DNM1: variants seen among roughly 807,000 people sequenced by gnomAD.
DNM1 encodes dynamin 1, also known as dynamin-1.
In DNM1, 29 loss-of-function variants were observed where a neutral mutation model predicts 104.6. The observed-to-expected ratio is 0.28, with a 90% CI of 0.21 to 0.38. The LOEUF is 0.38. Ranked by LOEUF, DNM1 falls within the 10% of genes least tolerant of loss-of-function variation. The pLI, the probability that DNM1 is intolerant of heterozygous loss-of-function variation, is 1.00. For synonymous variants in DNM1, 445 were observed against 475.8 expected, an observed-to-expected ratio of 0.94 and a Z score of 0.84; for missense variants, 640 against 1,189.4, an observed-to-expected ratio of 0.54 and a Z score of 6.79.
At position 128,218,504 on chromosome 9, in the gene DNM1, C is replaced by T. The variant is rs1834748021; in HGVS notation, c.236-78C>T. 4 of 1,526,060 alleles carry T rather than the reference C, an allele frequency of 2.6e-6. No homozygotes were observed. The highest frequency in any genetic ancestry group is 3.6e-6 in the Non-Finnish European group (4 of 1,116,484). 94.5% of individuals were successfully genotyped at this position (1,526,060 alleles called of 1,614,324 possible). On this transcript the variant is annotated intron_variant, in intron 2 of 21. Coordinates refer to ENST00000372923, the MANE Select transcript of DNM1 (RefSeq NM_004408.4). The surrounding 1 kb of genome is among the most constrained non-coding windows in gnomAD (Gnocchi z 4.8). ...GGGTGTGTCTAGGGGGTTCTATTAC[C>T]GGTGGGAGATGAAAACCCCCAGGTG...
intron 10 of DNM1, chr9:128,233,790 G>C (rs28514594): frequency 1.8e-6 from 1 of 565,574 alleles, no homozygotes; most frequent in Non-Finnish European, 3.1e-6. Context: ...AAGAGGGCCC[G>C]GAACCAGGAA....
At chr9:128,216,988 G>A (rs145820233) in intron 1 of DNM1, among the ~76,000 whole-genome samples, 93 of 152,332 alleles carry the variant, frequency 6.1e-4, no homozygotes, top group Admixed American at 2.9e-3. Flanking sequence ...TCACCCTTGT[G>A]CTTGCGCCAG....
At chr9:128,231,869 C>T (rs2131217214) in intron 10 of DNM1, 1 of 360,090 alleles carries the variant, frequency 2.8e-6, no homozygotes, top group East Asian at 8.2e-5. Context: ...CAGCGGCTGG[C>T]TTTGAACCCA....
At position 128,245,702 on chromosome 9, in the gene DNM1, G is replaced by A. The variant is rs528035853; in HGVS notation, c.1672-692G>A. Among the ~76,000 whole-genome samples the A allele has an allele frequency of 8.5e-5, 13 of 152,130 alleles. No individual in the cohort carries two copies. Among genetic ancestry groups the A allele is most frequent in the East Asian group, 1.9e-4 (1 of 5,206 alleles). Reference sequence around the variant, plus strand: ...CATGGCTCTGCAAACATGTAGGCTCGCACAATTGCCACACACATCCACAAA... The same window carrying A: ...CATGGCTCTGCAAACATGTAGGCTCACACAATTGCCACACACATCCACAAA... On this transcript the variant is annotated intron_variant, in intron 15 of 21. Coordinates refer to ENST00000372923, the MANE Select transcript of DNM1 (RefSeq NM_004408.4). This position sits in a 1 kb window ranked among gnomAD's most constrained non-coding sequence, Gnocchi z 5.2.
intron 6 of DNM1, among the ~76,000 whole-genome samples, chr9:128,221,759 G>T (rs971022779): frequency 2.0e-5 from 3 of 152,120 alleles, no homozygotes; most frequent in Admixed American, 6.5e-5. Context: ...TGGGCATGGT[G>T]GTGCACGCCT....
At chr9:128,234,243 T>C in intron 11 of DNM1, 136 bp downstream of exon 11, 1 of 681,184 alleles carries the variant, frequency 1.5e-6, no homozygotes, top group Non-Finnish European at 2.4e-6. Context: ...TCATACTGAC[T>C]CTCTGCTTCT....
chr9:128,226,071 C>G (rs1242566723), intron 10 of DNM1: 1 of 1,612,732 alleles, frequency 6.2e-7, no homozygotes, highest in Non-Finnish European at 8.5e-7. Context: ...CTTTTGAAGC[C>G]ACAGTGAAAA....
chr9:128,239,605 TG>T, intron 12 of DNM1, 90 bp downstream of exon 12: 1 of 1,293,062 alleles, frequency 7.7e-7, no homozygotes, highest in African/African-American at 1.6e-5. Flanking sequence ...TGTGTGTGTG[TG>T]TGTGTGTGTG....
intron 11 of DNM1, 25 bp from the exon 12 acceptor site, chr9:128,239,420 C>T (rs753657866): frequency 1.2e-6 from 2 of 1,605,600 alleles, no homozygotes; most frequent in African/African-American, 2.7e-5. Flanking sequence ...TTTGCGCTTG[C>T]CCACCAACCT....
At position 128,229,041 on chromosome 9, in the gene DNM1, C is replaced by T. The variant is rs114725037; in HGVS notation, c.1335+4652C>T. On this transcript the variant is annotated intron_variant, in intron 10 of 21. Coordinates refer to ENST00000372923, the MANE Select transcript of DNM1 (RefSeq NM_004408.4). ...AAACTGGAGACTATCTAAATATTCA[C>T]CAATAGGAAAATGGTTAAGTAAACT... Among the ~76,000 whole-genome samples the T allele has an allele frequency of 7.4e-3, 1,120 of 151,738 alleles. 8 individuals are homozygous for T. Among genetic ancestry groups the T allele is most frequent in the Middle Eastern group, 0.017 (5 of 292 alleles).
chr9:128,248,821 C>T lies in DNM1; in HGVS notation c.2076+68C>T. 6.4e-7 allele frequency: 1 copy of T among 1,555,426 alleles called. No individual in the cohort carries two copies. Among genetic ancestry groups the T allele is most frequent in the South Asian group, 1.2e-5 (1 of 84,796 alleles). ...TGGGGATGCAGGTGGCCATGTTGGC[C>T]TGGGGGAGATGCCAACCAGCCCTAT... is the stretch of plus-strand genomic sequence containing the variant. On this transcript the variant is annotated intron_variant, in intron 19 of 21. Transcript: ENST00000372923. This position sits in a 1 kb window ranked among gnomAD's most constrained non-coding sequence, Gnocchi z 5.6.
chr9:128,215,703 G>A (rs951557361), intron 1 of DNM1, among the ~76,000 whole-genome samples: 2 of 152,196 alleles, frequency 1.3e-5, no homozygotes, highest in African/African-American at 4.8e-5. Flanking sequence ...CCAGGGCTGC[G>A]TGGGCCTGTC....
At chr9:128,242,438 G>A in intron 15 of DNM1, 93 bp downstream of exon 15, 1 of 707,928 alleles carries the variant, frequency 1.4e-6, no homozygotes, top group Non-Finnish European at 2.5e-6. Flanking sequence ...CTAGACCATG[G>A]AATAGGGTTT....
rs1323523230 is a variant in DNM1, at chr9:128,224,331, A to G, written c.1277A>G (p.Lys426Arg). 2 of 1,613,946 alleles carry G rather than the reference A, an allele frequency of 1.2e-6. No individual in the cohort carries two copies. Among genetic ancestry groups the G allele is most frequent in the Non-Finnish European group, 1.7e-6 (2 of 1,179,982 alleles). Reference protein sequence around the residue: ...QVKKIREPCLKCVDMVISELI... With the variant: ...QVKKIREPCLRCVDMVISELI... ...AAGAAGATCCGAGAACCGTGTCTCA[A>G]GTGTGTGGACATGGTTATCTCGGAG... The change falls in exon 10 of 22, where the codon AAG becomes AGG. Residue 426 changes from lysine (K) to arginine (R), a missense_variant. By Grantham distance (26) the Lys-to-Arg change is conservative. This residue lies in a region of DNM1 where 92 missense variants were observed against 124.4 expected (regional missense o/e 0.74). Transcript: ENST00000372923. The surrounding 1 kb of genome is among the most constrained non-coding windows in gnomAD (Gnocchi z 4.3).
At position 128,253,981 on chromosome 9, in the gene DNM1, ACT is replaced by A. The variant is rs1156460125; in HGVS notation, c.2535-669_2535-668del. 10 of 1,232,734 alleles carry A rather than the reference ACT, an allele frequency of 8.1e-6. No homozygotes were observed. The highest frequency in any genetic ancestry group is 9.1e-6 in the Non-Finnish European group (9 of 988,816). The allele number at this position is 1,232,734 out of a possible 1,614,324, so 76.4% of individuals were successfully genotyped here. ...CCCACCCCCCATTCTCCTGCCACTG[ACT>A]CTCGCTCTTCTGCTTTTCCCAGCAG... On this transcript the variant is annotated intron_variant, in intron 21 of 21. Coordinates refer to ENST00000372923, the MANE Select transcript of DNM1 (RefSeq NM_004408.4). The surrounding 1 kb of genome is among the most constrained non-coding windows in gnomAD (Gnocchi z 5.9).
rs1588349386 is a variant in DNM1, at chr9:128,218,371, G to A, written c.235+67G>A. The A allele has an allele frequency of 6.4e-7, 1 of 1,568,562 alleles. No homozygotes were observed. The highest frequency in any genetic ancestry group is 1.1e-5 in the South Asian group (1 of 90,152). ...AGCCTCTCCCCCGTCCCCAAGCTGA[G>A]GGCCAGCCTGGCCACGAACTTGCTT... On this transcript the variant is annotated intron_variant, in intron 2 of 21. Coordinates refer to ENST00000372923, the MANE Select transcript of DNM1 (RefSeq NM_004408.4). This position sits in a 1 kb window ranked among gnomAD's most constrained non-coding sequence, Gnocchi z 4.8.
intron 10 of DNM1, among the ~76,000 whole-genome samples, chr9:128,231,260 C>CG (rs748830692): frequency 1.1e-4 from 13 of 119,810 alleles, no homozygotes; most frequent in Non-Finnish European, 1.8e-4. Flanking sequence ...TAGAGTGCAA[C>CG]GGCACGATCT....
At chr9:128,225,050 A>G (rs1413073985) in intron 10 of DNM1, among the ~76,000 whole-genome samples, 4 of 152,116 alleles carry the variant, frequency 2.6e-5, no homozygotes, top group African/African-American at 4.8e-5. Flanking sequence ...GGGAGGCAGG[A>G]CAGGGAGGAC....
chr9:128,208,414 A>G (rs1834099887), intron 1 of DNM1, among the ~76,000 whole-genome samples: 1 of 152,072 alleles, frequency 6.6e-6, no homozygotes, highest in African/African-American at 2.4e-5. Flanking sequence ...GGACTCTGAG[A>G]GCCCTTCTCT....
Sources: allele counts gnomAD v4.1 joint callset (sites outside exome capture counted in the v4.1 genomes callset), GRCh38; gene constraint gnomAD v4.1.1; regional missense constraint gnomAD v4.1.1; non-coding constraint Gnocchi (gnomAD v3.1); transcripts MANE v1.5; gene names NCBI Gene and HGNC (gene_info 2026-07-23, HGNC 2026-07-21).